Variants in GPR180 observed in about 807,000 individuals in gnomAD.
GPR180 encodes the protein G protein-coupled receptor 180.
Under a neutral mutation model 52.6 loss-of-function variants are expected in GPR180, and 53 were observed. The ratio of observed to expected loss-of-function variants is 1.01; its 90% CI spans 0.81 to 1.27. The LOEUF is 1.27. Ranked by LOEUF, GPR180 falls within the 50% of genes most tolerant of loss-of-function variation. The pLI, the probability that GPR180 is intolerant of heterozygous loss-of-function variation, is 0.00. For synonymous variants in GPR180, 200 were observed against 193.1 expected, an observed-to-expected ratio of 1.04 and a Z score of -0.30; for missense variants, 533 against 527.0, an observed-to-expected ratio of 1.01 and a Z score of -0.11.
At chr13:94,602,111 G>C (rs1454016818) in intron 1 of GPR180, 39 bp downstream of exon 1, 2 of 1,283,072 alleles carry the variant, frequency 1.6e-6, no homozygotes, top group Non-Finnish European at 9.9e-7. Context: ...AGGCGCGCTG[G>C]CCCATCCCGC....
chr13:94,619,296 G>T lies in GPR180; in HGVS notation c.652G>T (p.Gly218Cys). The part of the protein sequence containing the change: ...VLTTALLLQA[G>C]SALANYIHFS... ...GACAACTGCATTGCTGTTACAAGCT[G>T]GTTCAGCTTTAGCTAATTACATTCA... Residue 218 changes from glycine to cysteine, a missense_variant, in exon 4 of 9, where the codon GGT becomes TGT. Physicochemically the swap from Gly to Cys is radical, Grantham distance 159 (BLOSUM62 -3). Transcript: ENST00000376958. 1 of 1,613,996 alleles carries T rather than the reference G, an allele frequency of 6.2e-7. No homozygotes were observed. The highest frequency in any genetic ancestry group is 8.5e-7 in the Non-Finnish European group (1 of 1,179,986).
chr13:94,602,516 C>T (rs59238482), intron 1 of GPR180, among the ~76,000 whole-genome samples: 1 of 140,986 alleles, frequency 7.1e-6, no homozygotes, highest in African/African-American at 2.7e-5. Context: ...GACCAATTTC[C>T]TGAGACCTAC....
chr13:94,632,330 C>CT lies in GPR180; in HGVS notation c.*5160dup, dbSNP rs1184119452. The CT allele has an allele frequency of 6.6e-6, 1 of 151,816 alleles. No individual in the cohort carries two copies. Among genetic ancestry groups the CT allele is most frequent in the African/African-American group, 2.4e-5 (1 of 41,100 alleles). 9.4% of individuals were successfully genotyped at this position (151,816 alleles called of 1,614,324 possible). Reference sequence around the variant, plus strand: ...CATTTCCCTTCCCTGAATCCAAACTCTGTTACCAGTTATCTTTCTAGAAAT... The same window carrying CT: ...CATTTCCCTTCCCTGAATCCAAACTCTTGTTACCAGTTATCTTTCTAGAAAT... On this transcript the variant is annotated 3_prime_UTR_variant, in exon 9 of 9. Transcript: ENST00000376958.
At chr13:94,621,441 A>G (rs927155796) in intron 6 of GPR180, among the ~76,000 whole-genome samples, 1 of 152,180 alleles carries the variant, frequency 6.6e-6, no homozygotes, top group Non-Finnish European at 1.5e-5. Context: ...TCTGGATGCT[A>G]CTATATGTAG....
Position 94,627,113 on chromosome 13 carries a change from C to G in GPR180, c.1265C>G (p.Ser422Cys), listed in dbSNP as rs1165345786. ...CTATACTGGGAAGTTTCTTCACTTT[C>G]TTCAGTAACACTACCACTGACCATA... ...HSLYWEVSSL[S>C]SVTLPLTISS... is the part of the protein sequence containing the mutation. The change falls in exon 9 of 9, where the codon TCT becomes TGT. Residue 422 changes from serine to cysteine, a missense_variant. Coordinates refer to ENST00000376958, the MANE Select transcript of GPR180 (RefSeq NM_180989.6). 2.5e-6 allele frequency: 4 copies of G among 1,612,934 alleles called. No individual in the cohort carries two copies. Among genetic ancestry groups the G allele is most frequent in the East Asian group, 4.5e-5 (2 of 44,794 alleles).
In GPR180 at chr13:94,631,716, A is replaced by G. The variant is rs1890001329; in HGVS notation, c.*4545A>G. 1 of 151,464 alleles carries G rather than the reference A, an allele frequency of 6.6e-6. No homozygotes were observed. The highest frequency in any genetic ancestry group is 2.4e-5 in the African/African-American group (1 of 41,120). The allele number at this position is 151,464 out of a possible 1,614,324, so 9.4% of individuals were successfully genotyped here. A position where few individuals can be genotyped will look rare whatever the true frequency, so the allele number is the denominator to read the frequency against. On this transcript the variant is annotated 3_prime_UTR_variant, in exon 9 of 9. Coordinates refer to ENST00000376958, the MANE Select transcript of GPR180 (RefSeq NM_180989.6). The stretch of plus-strand genomic sequence containing the variant: ...AGTGTAGTATTAATTATGTAATAGA[A>G]GTACCCGTAGTGACTTCAATAATAC...
Position 94,612,401 on chromosome 13 carries a change from G to C in GPR180, c.505+11G>C. On this transcript the variant is annotated intron_variant, in intron 3 of 8. Transcript: ENST00000376958. Reference sequence around the variant, plus strand: ...GTGCTGGAGAATCTGGTAAGAATATGTATTTGAATATATCCTAAATTCAGG... The same window carrying C: ...GTGCTGGAGAATCTGGTAAGAATATCTATTTGAATATATCCTAAATTCAGG... 1 of 1,549,392 alleles carries C rather than the reference G, an allele frequency of 6.5e-7. No homozygotes were observed. The highest frequency in any genetic ancestry group is 8.9e-7 in the Non-Finnish European group (1 of 1,122,008).
chr13:94,615,895 A>G (rs1289950981), intron 3 of GPR180, among the ~76,000 whole-genome samples: 1 of 152,204 alleles, frequency 6.6e-6, no homozygotes, highest in Non-Finnish European at 1.5e-5. Flanking sequence ...TGTTGCTGGT[A>G]ACATGTTGGA....
Position 94,627,034 on chromosome 13 carries a change from C to T in GPR180, c.1186C>T (p.Leu396Phe). Residue 396 changes from leucine (L) to phenylalanine (F), a missense_variant, in exon 9 of 9, where the codon CTT (leucine) becomes TTT (phenylalanine). Coordinates refer to ENST00000376958, the MANE Select transcript of GPR180 (RefSeq NM_180989.6). ...TCAGGTTATTACAATAGGTGTTATC[C>T]TTTGCCAGTCTGTTTCCATGGTTAT... The part of the protein sequence containing the change: ...RDKVITIGVI[L>F]CQSVSMVILY... The T allele has an allele frequency of 6.2e-7, 1 of 1,608,464 alleles. No homozygotes were observed. Among genetic ancestry groups the T allele is most frequent in the Admixed American group, 1.7e-5 (1 of 58,880 alleles).
At chr13:94,614,449 T>C (rs1889751521) in intron 3 of GPR180, among the ~76,000 whole-genome samples, 1 of 152,180 alleles carries the variant, frequency 6.6e-6, no homozygotes. Flanking sequence ...ATTTTTGGTC[T>C]TTTTCTTCAT....
rs2138575892 is a variant in GPR180 at position 94,633,394 on chromosome 13, A to G, written c.*6223A>G. On this transcript the variant is annotated 3_prime_UTR_variant, in exon 9 of 9. Coordinates refer to ENST00000376958, the MANE Select transcript of GPR180 (RefSeq NM_180989.6). ...CTCTCTGTACGGATAATTTTCGGTT[A>G]AGTGTTTTTGTTTTCCATGGATTGT... is the stretch of plus-strand genomic sequence containing the variant. 1 of 152,266 alleles carries G rather than the reference A, an allele frequency of 6.6e-6. No homozygotes were observed. The highest frequency in any genetic ancestry group is 1.5e-5 in the Non-Finnish European group (1 of 68,006). The allele number at this position is 152,266 out of a possible 1,614,324, so 9.4% of individuals were successfully genotyped here.
Position 94,628,970 on chromosome 13 carries a change from CAT to C in GPR180, c.*1804_*1805del. On this transcript the variant is annotated 3_prime_UTR_variant, in exon 9 of 9. Transcript: ENST00000376958. Reference sequence around the variant, plus strand: ...AAAGAACATAAGTAACTGCAATTAACATATATGAAATTTATTACTCTGCTTGC... The same window carrying C: ...AAAGAACATAAGTAACTGCAATTAACATATGAAATTTATTACTCTGCTTGC... The C allele has an allele frequency of 6.6e-6, 1 of 152,224 alleles. No individual in the cohort carries two copies. Among genetic ancestry groups the C allele is most frequent in the Middle Eastern group, 3.4e-3 (1 of 294 alleles). The allele number at this position is 152,224 out of a possible 1,614,324, so 9.4% of individuals were successfully genotyped here. A position where few individuals can be genotyped will look rare whatever the true frequency, so the allele number is the denominator to read the frequency against.
chr13:94,612,164 A>C, intron 2 of GPR180, 26 bp from the exon 3 acceptor site: 1 of 1,575,404 alleles, frequency 6.3e-7, no homozygotes, highest in South Asian at 1.1e-5. Flanking sequence ...ATTTTGTTAC[A>C]AAAGGTGTTT....
chr13:94,627,110 T>G lies in GPR180; in HGVS notation c.1262T>G (p.Leu421Arg). The part of the protein sequence containing the change: ...SHSLYWEVSS[L>R]SSVTLPLTIS... Reference sequence around the variant, plus strand: ...AGTCTATACTGGGAAGTTTCTTCACTTTCTTCAGTAACACTACCACTGACC... The same window carrying G: ...AGTCTATACTGGGAAGTTTCTTCACGTTCTTCAGTAACACTACCACTGACC... Residue 421 changes from leucine (L) to arginine (R), a missense_variant, in exon 9 of 9, where the codon CTT becomes CGT. Physicochemically the swap from Leu to Arg is moderately radical, Grantham distance 102. Transcript: ENST00000376958. 2 of 1,613,264 alleles carry G rather than the reference T, an allele frequency of 1.2e-6. No homozygotes were observed. Among genetic ancestry groups the G allele is most frequent in the Non-Finnish European group, 1.7e-6 (2 of 1,179,512 alleles).
intron 1 of GPR180, among the ~76,000 whole-genome samples, 178 bp downstream of exon 1, chr13:94,602,250 C>G (rs145665575): frequency 6.6e-6 from 1 of 152,352 alleles, no homozygotes; most frequent in Non-Finnish European, 1.5e-5. Context: ...GCGTTCCTTG[C>G]CAACCCCGCT....
chr13:94,619,189 TTG>T lies in GPR180; in HGVS notation c.548_549del (p.Val183AspfsTer14). 1 of 1,614,122 alleles carries T rather than the reference TTG, an allele frequency of 6.2e-7. No homozygotes were observed. The highest frequency in any genetic ancestry group is 8.5e-7 in the Non-Finnish European group (1 of 1,179,986). On this transcript the variant is annotated frameshift_variant, in exon 4 of 9. Coordinates refer to ENST00000376958, the MANE Select transcript of GPR180 (RefSeq NM_180989.6). LOFTEE classifies it high-confidence loss of function. ...TTTTTCCTCCTAGTCCTAGTGTACTTTGTGATTGCTTGCATTTATGCTCAATC... is the reference window on the plus strand; with the variant it reads ...TTTTTCCTCCTAGTCCTAGTGTACTTTGATTGCTTGCATTTATGCTCAATC...
At position 94,631,088 on chromosome 13, in the gene GPR180, T is replaced by G. The variant is rs1245319010; in HGVS notation, c.*3917T>G. On this transcript the variant is annotated 3_prime_UTR_variant, in exon 9 of 9. Transcript: ENST00000376958. ...CCAGGCCCACAGGAACACCAGTTCC[T>G]GCCGGAATGGCTCCTTCAGCTTCTC... 6.6e-6 allele frequency: 1 copy of G among 152,254 alleles called. No individual in the cohort carries two copies. Among genetic ancestry groups the G allele is most frequent in the East Asian group, 1.9e-4 (1 of 5,170 alleles). 9.4% of individuals were successfully genotyped at this position (152,254 alleles called of 1,614,324 possible). A position where few individuals can be genotyped will look rare whatever the true frequency, so the allele number is the denominator to read the frequency against.
chr13:94,611,339 T>C (rs929785842), intron 2 of GPR180, among the ~76,000 whole-genome samples: 1 of 152,152 alleles, frequency 6.6e-6, no homozygotes, highest in African/African-American at 2.4e-5. Flanking sequence ...ATTTTGTAAG[T>C]TGAATGCTCC....
intron 3 of GPR180, among the ~76,000 whole-genome samples, chr13:94,615,994 C>A (rs1425425194): frequency 7.2e-5 from 11 of 152,122 alleles, no homozygotes; most frequent in African/African-American, 2.7e-4. Context: ...AGAAGTTTTG[C>A]GGCTTCTCCA....
Sources: gnomAD v4.1 joint callset for allele counts (sites outside exome capture counted in the v4.1 genomes callset) on GRCh38, gnomAD v4.1.1 for gene constraint, MANE v1.5 for transcripts, NCBI Gene and HGNC (gene_info 2026-07-23, HGNC 2026-07-21) for gene names.